NCKAP1: variants seen among roughly 807,000 people sequenced by gnomAD.
The protein encoded by NCKAP1 is nck-associated protein 1.
Under a neutral mutation model 151.2 loss-of-function variants are expected in NCKAP1, and 21 were observed. The ratio of observed to expected loss-of-function variants is 0.14; its 90% CI spans 0.10 to 0.20. The LOEUF (loss-of-function observed/expected upper bound fraction) is 0.20. NCKAP1 is among the 10% of genes least tolerant of loss of function. NCKAP1 has a pLI of 1.00. For synonymous variants in NCKAP1, 484 were observed against 451.8 expected, an observed-to-expected ratio of 1.07 and a Z score of -0.90; for missense variants, 933 against 1,352.1, an observed-to-expected ratio of 0.69 and a Z score of 4.86.
chr2:182,938,115 T>C (rs1340481229), intron 24 of NCKAP1, among the ~76,000 whole-genome samples: 1 of 152,204 alleles, frequency 6.6e-6, no homozygotes, highest in Non-Finnish European at 1.5e-5. Flanking sequence ...CTTAACAAAT[T>C]CCCAGGTGGT....
At chr2:182,949,537 C>T (rs532470508) in intron 23 of NCKAP1, among the ~76,000 whole-genome samples, 2 of 152,304 alleles carry the variant, frequency 1.3e-5, no homozygotes, top group African/African-American at 4.8e-5. Flanking sequence ...CACAGTGGCT[C>T]GTGCCTGTAA....
At chr2:182,935,844 T>C (rs1222110505) in intron 24 of NCKAP1, among the ~76,000 whole-genome samples, 2 of 152,020 alleles carry the variant, frequency 1.3e-5, no homozygotes, top group Non-Finnish European at 2.9e-5. Flanking sequence ...AGGTCTTGAG[T>C]TAAGAAACAA....
At chr2:183,004,504 A>AAG (rs1698431266) in intron 2 of NCKAP1, among the ~76,000 whole-genome samples, 1 of 151,630 alleles carries the variant, frequency 6.6e-6, no homozygotes. Context: ...AAAAAAAAAA[A>AAG]AAACAGCAAG....
Position 182,952,413 on chromosome 2 carries a change from C to A in NCKAP1, c.2593G>T (p.Glu865Ter). The stretch of plus-strand genomic sequence containing the variant: ...AATAAAGACTATATTACCTTAAGTT[C>A]AGCAACTTGTGATGAAATATGCCAC... ...LMWHISSQVA[E>*]LKKLVVENVD... Residue 865 changes from glutamate (E) to a stop codon, truncating the protein, a stop_gained, in exon 23 of 31, where the codon GAA becomes TAA. Transcript: ENST00000361354. LOFTEE classifies it high-confidence loss of function. 6.2e-7 allele frequency: 1 copy of A among 1,601,010 alleles called. No individual in the cohort carries two copies. The highest frequency in any genetic ancestry group is 1.1e-5 in the South Asian group (1 of 88,866).
At chr2:182,981,222 A>T in intron 13 of NCKAP1, 22 bp downstream of exon 13, 1 of 1,606,772 alleles carries the variant, frequency 6.2e-7, no homozygotes, top group South Asian at 1.1e-5. Context: ...ACAAAAGGGA[A>T]ATAGTATGAG....
In NCKAP1 at chr2:182,981,359, A is replaced by G. The variant is rs746190162; in HGVS notation, c.1226T>C (p.Ile409Thr). 4 of 1,611,708 alleles carry G rather than the reference A, an allele frequency of 2.5e-6. No homozygotes were observed. The highest frequency in any genetic ancestry group is 2.5e-6 in the Non-Finnish European group (3 of 1,178,296). The stretch of plus-strand genomic sequence containing the variant: ...TGCTCTAAGTTCTTCCATGTAAAAT[A>G]TTAATTCAGCAATGTGCCTTTTTTA... ...DFIDKHIAEL[I>T]FYMEELRAHV... Residue 409 changes from isoleucine to threonine, a missense_variant, in exon 13 of 31, where the codon ATA (isoleucine) becomes ACA (threonine). Around this residue, in one of 2 missense-constraint regions of NCKAP1, gnomAD observed 607 missense variants for 795.0 expected, o/e 0.76. Coordinates refer to ENST00000361354, the MANE Select transcript of NCKAP1 (RefSeq NM_013436.5).
At chr2:182,980,634 G>A (rs1003562799) in intron 13 of NCKAP1, among the ~76,000 whole-genome samples, 1 of 151,578 alleles carries the variant, frequency 6.6e-6, no homozygotes, top group Non-Finnish European at 1.5e-5. Context: ...ACCAATTAAG[G>A]AAAAAAAATT....
intron 8 of NCKAP1, among the ~76,000 whole-genome samples, chr2:182,993,095 T>C (rs1018239228): frequency 2.1e-4 from 32 of 152,222 alleles, no homozygotes; most frequent in Non-Finnish European, 7.3e-5. Context: ...CATCAACAGA[T>C]ACCAAAATCT....
At chr2:182,946,450 TG>T (rs1407039076) in intron 23 of NCKAP1, among the ~76,000 whole-genome samples, 1 of 150,674 alleles carries the variant, frequency 6.6e-6, no homozygotes, top group East Asian at 1.9e-4. Flanking sequence ...AGGTAGAGGG[TG>T]GGAGGAGGTT....
chr2:182,966,443 C>T lies in NCKAP1; in HGVS notation c.1628+773G>A, dbSNP rs557679744. Among the ~76,000 whole-genome samples, 73 of 152,136 alleles carry T rather than the reference C, an allele frequency of 4.8e-4. No homozygotes were observed. In the East Asian group the frequency reaches 0.012, roughly 25 times the overall value. On this transcript the variant is annotated intron_variant, in intron 16 of 30. Coordinates refer to ENST00000361354, the MANE Select transcript of NCKAP1 (RefSeq NM_013436.5). The stretch of plus-strand genomic sequence containing the variant: ...CTGGGACTACAGGCACACACCACCA[C>T]GTCCGACTAATTTTTCTATTTTCAG...
At chr2:182,982,755 T>C (rs898364049) in intron 12 of NCKAP1, 66 bp downstream of exon 12, 8 of 1,049,482 alleles carry the variant, frequency 7.6e-6, no homozygotes, top group African/African-American at 1.6e-5. Context: ...TATCAGGACA[T>C]AACCCCATTG....
chr2:182,987,566 T>C (rs187961665), intron 9 of NCKAP1, among the ~76,000 whole-genome samples: 1 of 152,318 alleles, frequency 6.6e-6, no homozygotes, highest in Admixed American at 6.5e-5. Flanking sequence ...TTAAATTTAC[T>C]TGCACCATAC....
At chr2:182,984,994 C>T (rs978538921) in intron 10 of NCKAP1, among the ~76,000 whole-genome samples, 3 of 152,098 alleles carry the variant, frequency 2.0e-5, no homozygotes, top group African/African-American at 2.4e-5. Context: ...GTCTATCCCA[C>T]GAAGAAATAA....
chr2:183,022,362 T>C (rs1013738746), intron 2 of NCKAP1, among the ~76,000 whole-genome samples: 1 of 152,172 alleles, frequency 6.6e-6, no homozygotes, highest in African/African-American at 2.4e-5. Context: ...TCAGATGAGG[T>C]AGCCAATTAA....
intron 6 of NCKAP1, among the ~76,000 whole-genome samples, chr2:183,001,514 T>C (rs1342105265): frequency 6.6e-6 from 1 of 152,232 alleles, no homozygotes; most frequent in Non-Finnish European, 1.5e-5. Flanking sequence ...TTTAATGAAG[T>C]AATTCATTTA....
intron 16 of NCKAP1, 93 bp from the exon 17 acceptor site, chr2:182,964,901 TGATAA>T: frequency 2.1e-6 from 2 of 949,724 alleles, no homozygotes; most frequent in Non-Finnish European, 3.1e-6. Flanking sequence ...AGTGAATGAA[TGATAA>T]CTGGTAGCAC....
intron 24 of NCKAP1, among the ~76,000 whole-genome samples, chr2:182,936,048 G>A (rs1033957696): frequency 6.6e-6 from 1 of 151,920 alleles, no homozygotes; most frequent in Admixed American, 6.6e-5. Context: ...CTTGAGCCCA[G>A]GAGTTCACAA....
rs1696546935 is a variant in NCKAP1, at chr2:182,921,290, A to C, written c.*4412T>G. On this transcript the variant is annotated 3_prime_UTR_variant, in exon 31 of 31. Coordinates refer to ENST00000361354, the MANE Select transcript of NCKAP1 (RefSeq NM_013436.5). ...AAATTTTAAATATGATTTCCTACTTATTCATGGATTCTAGAAGCTTATTTT... is the reference window on the plus strand; with the variant it reads ...AAATTTTAAATATGATTTCCTACTTCTTCATGGATTCTAGAAGCTTATTTT... 1 of 152,194 alleles carries C rather than the reference A, an allele frequency of 6.6e-6. No homozygotes were observed. Among genetic ancestry groups the C allele is most frequent in the Non-Finnish European group, 1.5e-5 (1 of 68,032 alleles). The allele number at this position is 152,194 out of a possible 1,614,324, so 9.4% of individuals were successfully genotyped here. A position where few individuals can be genotyped will look rare whatever the true frequency, so the allele number is the denominator to read the frequency against.
At position 183,010,845 on chromosome 2, in the gene NCKAP1, A is replaced by G. The variant is rs190057274; in HGVS notation, c.220-7520T>C. Among the ~76,000 whole-genome samples the G allele has an allele frequency of 3.0e-4, 46 of 152,344 alleles. No homozygotes were observed. The East Asian group carries it at 8.3e-3, about 27-fold the overall frequency. ...TTAATGGCACTATTTTCCATTACAA[A>G]TAGAAATATAAATAGGTTAGTTCCT... is the stretch of plus-strand genomic sequence containing the variant. On this transcript the variant is annotated intron_variant, in intron 2 of 30. Transcript: ENST00000361354.
Sources: gnomAD v4.1 joint callset for allele counts (sites outside exome capture counted in the v4.1 genomes callset) on GRCh38, gnomAD v4.1.1 for gene constraint, gnomAD v4.1.1 regional missense constraint, MANE v1.5 for transcripts, NCBI Gene and HGNC (gene_info 2026-07-23, HGNC 2026-07-21) for gene names.